The following STPG2 variants were observed in gnomAD, a reference collection of about 807,000 sequenced individuals.
The protein encoded by STPG2 is sperm tail PG-rich repeat containing 2.
In STPG2, 56 loss-of-function variants were observed where a neutral mutation model predicts 54.2. The observed-to-expected ratio is 1.03, with a 90% CI of 0.83 to 1.29. The LOEUF (loss-of-function observed/expected upper bound fraction) is 1.29. STPG2 is among the 50% of genes most tolerant of loss of function. STPG2 has a pLI of 0.00. For missense variants in STPG2, 596 were observed against 544.9 expected (o/e 1.09, Z -0.93); for synonymous variants, 200 against 181.8 (o/e 1.10, Z -0.81).
intron 7 of STPG2, among the ~76,000 whole-genome samples, chr4:97,947,861 T>C (rs1733299098): frequency 2.0e-5 from 3 of 152,016 alleles, no homozygotes; most frequent in Admixed American, 2.0e-4. Context: ...TGGTCTGTAG[T>C]TTTCTTTTTT....
Position 97,840,754 on chromosome 4 carries a change from T to C in STPG2, c.1204+19A>G, listed in dbSNP as rs750313114. On this transcript the variant is annotated intron_variant, in intron 9 of 10. Coordinates refer to ENST00000295268, the MANE Select transcript of STPG2 (RefSeq NM_174952.3). The stretch of plus-strand genomic sequence containing the variant: ...TAGAATTTTTTTCCTCATAGCTTTA[T>C]AAGGACTTCTAGACTTACCTGGCCC... The C allele has an allele frequency of 6.3e-7, 1 of 1,591,466 alleles. No individual in the cohort carries two copies.
At chr4:98,118,915 A>T (rs1739594699) in intron 3 of STPG2, among the ~76,000 whole-genome samples, 2 of 152,182 alleles carry the variant, frequency 1.3e-5, no homozygotes, top group Non-Finnish European at 2.9e-5. Flanking sequence ...TAAAATAGGA[A>T]TTCACAAATC....
intron 10 of STPG2, among the ~76,000 whole-genome samples, chr4:97,693,252 A>G (rs1349133310): frequency 6.6e-6 from 1 of 152,162 alleles, no homozygotes; most frequent in Admixed American, 6.5e-5. Context: ...CTTAAAAGTT[A>G]CAGAATGGCA....
intron 5 of STPG2, among the ~76,000 whole-genome samples, chr4:97,994,418 T>C (rs1211563857): frequency 1.3e-5 from 2 of 152,216 alleles, no homozygotes; most frequent in African/African-American, 2.4e-5. Context: ...GTTTCATGCA[T>C]TGATGAACAG....
intron 4 of STPG2, among the ~76,000 whole-genome samples, chr4:97,502,257 CAT>C: frequency 6.6e-6 from 1 of 151,844 alleles, no homozygotes; most frequent in South Asian, 2.1e-4. Context: ...TAACACAAAT[CAT>C]AATTAAATTA....
intron 10 of STPG2, among the ~76,000 whole-genome samples, chr4:97,569,559 T>G (rs527994715): frequency 1.3e-5 from 2 of 152,224 alleles, no homozygotes; most frequent in East Asian, 1.9e-4. Context: ...TGGATTAGAA[T>G]CAACTGAATA....
chr4:98,055,756 C>T (rs1737462036), intron 5 of STPG2, among the ~76,000 whole-genome samples: 1 of 152,164 alleles, frequency 6.6e-6, no homozygotes, highest in African/African-American at 2.4e-5. Context: ...AACTGTCAGA[C>T]TTGATCTGTT....
At chr4:97,499,663 A>G (rs1553933448) in intron 4 of STPG2, among the ~76,000 whole-genome samples, 1 of 151,956 alleles carries the variant, frequency 6.6e-6, no homozygotes, top group Non-Finnish European at 1.5e-5. Context: ...CCTGAGGGGA[A>G]AGGGGTTCCA....
At chr4:97,853,736 G>A (rs1252029505) in intron 8 of STPG2, among the ~76,000 whole-genome samples, 1 of 152,030 alleles carries the variant, frequency 6.6e-6, no homozygotes, top group Non-Finnish European at 1.5e-5. Context: ...AATTTGGTAG[G>A]CTGTTTCCCC....
At chr4:97,496,765 T>C (rs1730620757) in intron 4 of STPG2, among the ~76,000 whole-genome samples, 1 of 151,638 alleles carries the variant, frequency 6.6e-6, no homozygotes, top group African/African-American at 2.4e-5. Context: ...TATCTAATAA[T>C]CTCCTACAAA....
intron 10 of STPG2, among the ~76,000 whole-genome samples, chr4:97,665,936 G>T (rs574356188): frequency 2.0e-5 from 3 of 152,238 alleles, no homozygotes; most frequent in Non-Finnish European, 4.4e-5. Context: ...GGTACATACC[G>T]GGAGTAGGGA....
chr4:97,879,332 T>C (rs1019422948), intron 8 of STPG2, among the ~76,000 whole-genome samples: 1 of 152,158 alleles, frequency 6.6e-6, no homozygotes. Context: ...TTTACTGTAT[T>C]AGTCCATTTT....
rs956078255 is a variant in STPG2, at chr4:97,815,160, C to T, written c.1204+25613G>A. ...AGGCAAAGAGAAAACATAATGGTAG[C>T]GAAAGAAAGTAATTACAAATACCAG... On this transcript the variant is annotated intron_variant, in intron 9 of 10. Coordinates refer to ENST00000295268, the MANE Select transcript of STPG2 (RefSeq NM_174952.3). 1.2e-4 allele frequency among the ~76,000 whole-genome samples: 19 copies of T among 152,110 alleles called. No individual in the cohort carries two copies. In the East Asian group the frequency reaches 1.4e-3, roughly 11 times the overall value.
chr4:98,077,509 T>G (rs1319917562), intron 5 of STPG2, among the ~76,000 whole-genome samples: 1 of 152,180 alleles, frequency 6.6e-6, no homozygotes, highest in Non-Finnish European at 1.5e-5. Flanking sequence ...GTGCTGGGAT[T>G]ACAGGCATGA....
chr4:97,541,623 T>C (rs1214026773), intron 4 of STPG2, among the ~76,000 whole-genome samples: 1 of 152,144 alleles, frequency 6.6e-6, no homozygotes. Context: ...AAACCTACTT[T>C]AGAGTTTATA....
intron 8 of STPG2, among the ~76,000 whole-genome samples, chr4:97,938,444 C>A (rs1720041926): frequency 7.9e-5 from 1 of 12,588 alleles, no homozygotes; most frequent in Non-Finnish European, 2.1e-4. Context: ...CAGTCAGTAG[C>A]CACAGTGACT....
At chr4:97,696,049 CAT>C (rs1171253574) in intron 10 of STPG2, among the ~76,000 whole-genome samples, 1 of 152,034 alleles carries the variant, frequency 6.6e-6, no homozygotes, top group Non-Finnish European at 1.5e-5. Context: ...AAAGAGCCCA[CAT>C]AGCCAAAGCA....
intron 5 of STPG2, among the ~76,000 whole-genome samples, chr4:98,006,504 G>A (rs1328153946): frequency 1.3e-5 from 2 of 152,196 alleles, no homozygotes; most frequent in Non-Finnish European, 2.9e-5. Context: ...TATCAAGCTG[G>A]GAAGAATTTA....
At chr4:97,524,305 T>C (rs1353229837) in intron 4 of STPG2, among the ~76,000 whole-genome samples, 1 of 152,008 alleles carries the variant, frequency 6.6e-6, no homozygotes, top group Admixed American at 6.6e-5. Context: ...ATCACTACAG[T>C]TATGCCAGAC....
Sources: allele counts gnomAD v4.1 joint callset (sites outside exome capture counted in the v4.1 genomes callset), GRCh38; gene constraint gnomAD v4.1.1; transcripts MANE v1.5; gene names NCBI Gene and HGNC (gene_info 2026-07-23, HGNC 2026-07-21).